HERC1: variants seen among roughly 807,000 people sequenced by gnomAD.
HERC1 encodes the protein probable E3 ubiquitin-protein ligase HERC1.
A neutral mutation model predicts 554.3 loss-of-function variants in HERC1; 160 were observed. The observed-to-expected ratio is 0.29, with a 90% CI of 0.25 to 0.33. The LOEUF is 0.33. Among genes scored for constraint, HERC1 ranks in the 10% least tolerant of loss-of-function variants. The pLI is 1.00. For missense variants in HERC1, 4,919 were observed against 5,918.5 expected (o/e 0.83, Z 5.54); for synonymous variants, 2,175 against 2,131.7 (o/e 1.02, Z -0.56).
chr15:63,656,671 A>G (rs2070056990), intron 48 of HERC1, among the ~76,000 whole-genome samples: 1 of 152,224 alleles, frequency 6.6e-6, no homozygotes, highest in Non-Finnish European at 1.5e-5. Flanking sequence ...AGATCAAGAA[A>G]CAGAACATTG....
intron 25 of HERC1, among the ~76,000 whole-genome samples, chr15:63,704,551 T>C (rs542491237): frequency 1.3e-5 from 2 of 152,244 alleles, no homozygotes; most frequent in African/African-American, 4.8e-5. Flanking sequence ...TAATATAACA[T>C]ACAACTTTTA....
chr15:63,621,494 G>A (rs940178083), intron 74 of HERC1, among the ~76,000 whole-genome samples: 7 of 152,118 alleles, frequency 4.6e-5, no homozygotes, highest in African/African-American at 1.7e-4. Context: ...TTCTCGAGGA[G>A]TATCTCTGTG....
rs1481024750 is a variant in HERC1 at position 63,692,242 on chromosome 15, T to G, written c.5830+169A>C. On this transcript the variant is annotated intron_variant, in intron 31 of 77. Coordinates refer to ENST00000443617, the MANE Select transcript of HERC1 (RefSeq NM_003922.4). This position sits in a 1 kb window ranked among gnomAD's most constrained non-coding sequence, Gnocchi z 4.7. ...TACATTATTTATTTTCTGCCAATTT[T>G]TACTTCTGAAATTAGAGTTTTCTTT... is the stretch of plus-strand genomic sequence containing the variant. 6.6e-6 allele frequency among the ~76,000 whole-genome samples: 1 copy of G among 152,264 alleles called. No individual in the cohort carries two copies. Among genetic ancestry groups the G allele is most frequent in the African/African-American group, 2.4e-5 (1 of 41,480 alleles).
At chr15:63,691,366 T>G (rs1285723678) in intron 31 of HERC1, among the ~76,000 whole-genome samples, 1 of 152,000 alleles carries the variant, frequency 6.6e-6, no homozygotes, top group Non-Finnish European at 1.5e-5. Context: ...CTTGGGAGGC[T>G]GAGACGGGAG....
chr15:63,625,926 C>T (rs2152776532), intron 71 of HERC1, 59 bp downstream of exon 71: 1 of 1,543,892 alleles, frequency 6.5e-7, no homozygotes, highest in East Asian at 2.4e-5. Flanking sequence ...GCGAGCATGT[C>T]ACGGGCACTG....
In HERC1 at chr15:63,682,383, A is replaced by C. The variant is rs531321443; in HGVS notation, c.6226-1607T>G. The stretch of plus-strand genomic sequence containing the variant: ...TTTCCTGAGGAGAAAGGGCCCAAAT[A>C]TTCCCACAAGTGGGCTTTAGATGAG... On this transcript the variant is annotated intron_variant, in intron 34 of 77. Coordinates refer to ENST00000443617, the MANE Select transcript of HERC1 (RefSeq NM_003922.4). Among the ~76,000 whole-genome samples the C allele has an allele frequency of 1.2e-3, 183 of 152,262 alleles. 1 individual carries two copies. The highest frequency in any genetic ancestry group is 4.3e-3 in the African/African-American group (180 of 41,536).
rs2075700228 is a variant in HERC1, at chr15:63,764,205, A to G, written c.931-14T>C. The stretch of plus-strand genomic sequence containing the variant: ...AGCAGATGAACCCTATAATTAAAAC[A>G]TTGCGGGACACAGCGTAGGAAGGGG... On this transcript the variant is annotated splice_polypyrimidine_tract_variant and intron_variant, in intron 2 of 77. Coordinates refer to ENST00000443617, the MANE Select transcript of HERC1 (RefSeq NM_003922.4). 1 of 1,565,248 alleles carries G rather than the reference A, an allele frequency of 6.4e-7. No homozygotes were observed. Among genetic ancestry groups the G allele is most frequent in the East Asian group, 2.3e-5 (1 of 44,414 alleles).
intron 74 of HERC1, among the ~76,000 whole-genome samples, chr15:63,618,070 A>G (rs886193683): frequency 1.3e-5 from 2 of 152,044 alleles, no homozygotes; most frequent in Non-Finnish European, 2.9e-5. Flanking sequence ...TTAGACATGA[A>G]GTCCTTGCCC....
In HERC1 at chr15:63,640,300, G is replaced by A. The variant is rs372933242; in HGVS notation, c.11753C>T (p.Ser3918Phe). Residue 3918 changes from serine to phenylalanine, a missense_variant, in exon 61 of 78, where the codon TCC becomes TTC. Physicochemically the swap from Ser to Phe is radical, Grantham distance 155. Around this residue, in one of 11 missense-constraint regions of HERC1, gnomAD observed 1,963 missense variants for 2,228.6 expected, o/e 0.88. Transcript: ENST00000443617. ...CCAGGCCCATTCATTTGGATTCCAG[G>A]ATGCAGGGTCAGGGAGACAGTTCTG... The part of the protein sequence containing the change: ...HHQNCLPDPA[S>F]WNPNEWAWLE... 1 of 1,613,792 alleles carries A rather than the reference G, an allele frequency of 6.2e-7. No individual in the cohort carries two copies. The highest frequency in any genetic ancestry group is 1.3e-5 in the African/African-American group (1 of 74,906).
intron 74 of HERC1, among the ~76,000 whole-genome samples, chr15:63,617,827 A>G (rs1353704179): frequency 1.3e-5 from 2 of 152,162 alleles, no homozygotes; most frequent in South Asian, 2.1e-4. Context: ...GTGTCTGTTC[A>G]TATCTTTCGC....
chr15:63,802,018 A>G (rs2144813631), intron 1 of HERC1, among the ~76,000 whole-genome samples: 1 of 152,302 alleles, frequency 6.6e-6, no homozygotes, highest in South Asian at 2.1e-4. Flanking sequence ...TGTCTCCCCC[A>G]ATACACAGTA....
intron 76 of HERC1, 52 bp downstream of exon 76, chr15:63,615,716 T>C: frequency 1.3e-6 from 2 of 1,490,716 alleles, no homozygotes; most frequent in African/African-American, 1.4e-5. Flanking sequence ...CAGCTCTCAT[T>C]TGGAGAGAAA....
intron 1 of HERC1, among the ~76,000 whole-genome samples, chr15:63,778,048 A>T (rs977110153): frequency 3.3e-5 from 5 of 152,216 alleles, no homozygotes; most frequent in Non-Finnish European, 5.9e-5. Context: ...CCCAAAATTT[A>T]AGAAAAACAA....
chr15:63,660,769 C>T (rs1411047704), intron 46 of HERC1, among the ~76,000 whole-genome samples: 1 of 152,060 alleles, frequency 6.6e-6, no homozygotes, highest in African/African-American at 2.4e-5. Flanking sequence ...TAAAGTTGGT[C>T]TTTGAAACCA....
chr15:63,695,006 T>A, intron 27 of HERC1, 112 bp from the exon 28 acceptor site: 1 of 922,312 alleles, frequency 1.1e-6, no homozygotes. Context: ...CGATGGTTTT[T>A]AATTATTTAC....
chr15:63,643,624 T>G, intron 57 of HERC1, 74 bp from the exon 58 acceptor site: 4 of 1,153,182 alleles, frequency 3.5e-6, no homozygotes, highest in Non-Finnish European at 4.7e-6. Context: ...CATTCACTCT[T>G]GGAAATTTTA....
intron 1 of HERC1, among the ~76,000 whole-genome samples, chr15:63,785,863 G>C (rs1008885576): frequency 1.3e-5 from 2 of 152,128 alleles, no homozygotes; most frequent in Non-Finnish European, 2.9e-5. Context: ...ATATCTCAGA[G>C]AGATTATTCT....
At position 63,713,411 on chromosome 15, in the gene HERC1, C is replaced by T; in HGVS notation, c.4405G>A (p.Glu1469Lys). The change falls in exon 23 of 78, where the codon GAA (glutamate) becomes AAA (lysine). Residue 1469 changes from glutamate (E) to lysine (K), a missense_variant. Physicochemically the swap from Glu to Lys is moderately conservative, Grantham distance 56. Coordinates refer to ENST00000443617, the MANE Select transcript of HERC1 (RefSeq NM_003922.4). ...GTTGAAGGTTGCTGCAACTGTCCTT[C>T]TTCTCTTCGCTTCTGAAGCTCATCT... ...VIDELQKRRE[E>K]GQLQQPSTSA... 6.2e-7 allele frequency: 1 copy of T among 1,614,028 alleles called. No individual in the cohort carries two copies. The highest frequency in any genetic ancestry group is 8.5e-7 in the Non-Finnish European group (1 of 1,179,892).
intron 1 of HERC1, among the ~76,000 whole-genome samples, chr15:63,800,598 T>C (rs2076947635): frequency 6.6e-6 from 1 of 152,244 alleles, no homozygotes; most frequent in African/African-American, 2.4e-5. Context: ...ACTATACCCA[T>C]GTGAGATTAG....
Sources: allele counts gnomAD v4.1 joint callset (sites outside exome capture counted in the v4.1 genomes callset), GRCh38; gene constraint gnomAD v4.1.1; regional missense constraint gnomAD v4.1.1; non-coding constraint Gnocchi (gnomAD v3.1); transcripts MANE v1.5; gene names NCBI Gene and HGNC (gene_info 2026-07-23, HGNC 2026-07-21).